Variants in FRMD6 observed in about 807,000 individuals in gnomAD.
The protein encoded by FRMD6 is FERM domain-containing protein 6.
A neutral mutation model predicts 73.2 loss-of-function variants in FRMD6; 37 were observed. The ratio of observed to expected loss-of-function variants is 0.51; its 90% confidence interval spans 0.39 to 0.66. The LOEUF (loss-of-function observed/expected upper bound fraction) is 0.66, where lower values mean the gene tolerates loss of function less well. Ranked by LOEUF, FRMD6 falls within the 30% of genes least tolerant of loss-of-function variation. FRMD6 has a pLI of 0.00. For synonymous variants in FRMD6, 273 were observed against 282.2 expected, an observed-to-expected ratio of 0.97 and a Z score of 0.33; for missense variants, 714 against 780.5, an observed-to-expected ratio of 0.91 and a Z score of 1.02.
intron 1 of FRMD6, among the ~76,000 whole-genome samples, chr14:51,557,893 A>C (rs901504841): frequency 2.0e-5 from 3 of 151,922 alleles, no homozygotes; most frequent in Non-Finnish European, 4.4e-5. Context: ...TAATTTGTAC[A>C]CCAAACCCCT....
the FRMD6 span, among the ~76,000 whole-genome samples, chr14:51,442,367 G>C: frequency 6.6e-6 from 1 of 151,322 alleles, no homozygotes; most frequent in Non-Finnish European, 1.5e-5. Flanking sequence ...ATATACACAT[G>C]TACTCCCACC....
At chr14:51,688,988 A>G (rs190808693) in intron 1 of FRMD6, among the ~76,000 whole-genome samples, 2 of 152,354 alleles carry the variant, frequency 1.3e-5, no homozygotes, top group Non-Finnish European at 1.5e-5. Flanking sequence ...TTTTTTCTAT[A>G]CAAACATGGT....
the FRMD6 span, among the ~76,000 whole-genome samples, chr14:51,455,384 T>C: frequency 6.6e-6 from 1 of 152,266 alleles, no homozygotes. Flanking sequence ...TCAATCATTA[T>C]TCCTGACTGC....
intron 2 of FRMD6, among the ~76,000 whole-genome samples, chr14:51,617,641 C>T (rs546577256): frequency 7.1e-6 from 1 of 141,772 alleles, no homozygotes; most frequent in South Asian, 2.1e-4. Context: ...CTACCTACCT[C>T]GTAGGGTTGT....
At chr14:51,421,937 T>A in the FRMD6 span, among the ~76,000 whole-genome samples, 33 of 152,216 alleles carry the variant, frequency 2.2e-4, 1 homozygote, top group African/African-American at 7.5e-4. Flanking sequence ...GCTGCGGATC[T>A]GCCATAGGAA....
At chr14:51,449,075 A>C in the FRMD6 span, among the ~76,000 whole-genome samples, 1 of 152,078 alleles carries the variant, frequency 6.6e-6, no homozygotes, top group Non-Finnish European at 1.5e-5. Flanking sequence ...TAAAATAGAG[A>C]TTCATCTCTG....
At chr14:51,438,404 G>T in the FRMD6 span, among the ~76,000 whole-genome samples, 1 of 152,210 alleles carries the variant, frequency 6.6e-6, no homozygotes, top group Admixed American at 6.5e-5. Flanking sequence ...GGTTAAAAGT[G>T]TACAAGTTGC....
At chr14:51,478,824 AATC>A in the FRMD6 span, among the ~76,000 whole-genome samples, 1 of 152,212 alleles carries the variant, frequency 6.6e-6, no homozygotes, top group Non-Finnish European at 1.5e-5. Flanking sequence ...CTTTAGCCTA[AATC>A]ATAGTCTTTG....
chr14:51,580,189 G>T (rs1050561406), intron 2 of FRMD6, among the ~76,000 whole-genome samples: 2 of 151,846 alleles, frequency 1.3e-5, no homozygotes, highest in African/African-American at 4.8e-5. Flanking sequence ...GGATTATCTG[G>T]CTACCTCTCG....
the FRMD6 span, among the ~76,000 whole-genome samples, chr14:51,477,910 G>T: frequency 6.6e-6 from 1 of 151,834 alleles, no homozygotes; most frequent in African/African-American, 2.4e-5. Flanking sequence ...GGCTAATTTT[G>T]TATTTTCAAT....
intron 1 of FRMD6, among the ~76,000 whole-genome samples, chr14:51,500,369 A>G (rs1022725810): frequency 2.6e-5 from 4 of 152,084 alleles, no homozygotes; most frequent in African/African-American, 9.7e-5. Context: ...TCTACTAAAA[A>G]TACACAAATT....
intron 1 of FRMD6, among the ~76,000 whole-genome samples, chr14:51,667,301 G>T (rs1389349987): frequency 2.0e-5 from 3 of 152,038 alleles, no homozygotes; most frequent in African/African-American, 7.2e-5. Context: ...GTTACTAGTG[G>T]ATAGCACCTT....
At chr14:51,475,083 C>T in the FRMD6 span, among the ~76,000 whole-genome samples, 1 of 152,186 alleles carries the variant, frequency 6.6e-6, no homozygotes, top group African/African-American at 2.4e-5. Flanking sequence ...AAGAGAGTGA[C>T]AATGCTTGTT....
chr14:51,723,996 A>G (rs1210547020), intron 12 of FRMD6: 1 of 152,152 alleles, frequency 6.6e-6, no homozygotes, highest in Admixed American at 6.5e-5. Flanking sequence ...TTTGGATGTT[A>G]GGGTTATAGA....
chr14:51,591,294 C>CAAACA (rs1889375044), intron 2 of FRMD6, among the ~76,000 whole-genome samples: 1 of 150,862 alleles, frequency 6.6e-6, no homozygotes, highest in African/African-American at 2.4e-5. Context: ...ACAAAACAAA[C>CAAACA]AAAAAAAAAC....
Position 51,640,637 on chromosome 14 carries a change from A to G in FRMD6, c.-146-49054A>G, listed in dbSNP as rs548257762. On this transcript the variant is annotated intron_variant, in intron 2 of 14. Coordinates refer to the FRMD6 transcript ENST00000356218. ...GAATTTGAGTATATTTGAATTCATAATTATATATTCTTTATTGTAAATGCT... is the reference window on the plus strand; with the variant it reads ...GAATTTGAGTATATTTGAATTCATAGTTATATATTCTTTATTGTAAATGCT... Among the ~76,000 whole-genome samples the G allele has an allele frequency of 3.1e-4, 47 of 152,356 alleles. 1 individual carries two copies. The South Asian group carries it at 9.3e-3, about 30-fold the overall frequency.
intron 2 of FRMD6, among the ~76,000 whole-genome samples, chr14:51,599,672 A>G (rs560070696): frequency 2.6e-5 from 4 of 152,114 alleles, no homozygotes; most frequent in Non-Finnish European, 5.9e-5. Flanking sequence ...CTCATTAAAA[A>G]GTGGGCAAAA....
chr14:51,664,220 C>A (rs750092975), intron 1 of FRMD6, among the ~76,000 whole-genome samples: 5 of 152,200 alleles, frequency 3.3e-5, no homozygotes, highest in Admixed American at 3.3e-4. Context: ...TCCCAAGAGC[C>A]AGAGCAAATT....
chr14:51,460,754 G>C, the FRMD6 span, among the ~76,000 whole-genome samples: 2 of 152,186 alleles, frequency 1.3e-5, no homozygotes, highest in African/African-American at 4.8e-5. Context: ...TCAAGGTGTA[G>C]TCCTCTGGAG....
Sources: allele counts gnomAD v4.1 joint callset (sites outside exome capture counted in the v4.1 genomes callset), GRCh38; gene constraint gnomAD v4.1.1; transcripts MANE v1.5; gene names NCBI Gene and HGNC (gene_info 2026-07-23, HGNC 2026-07-21).